Variants in NTRK2 observed in about 807,000 individuals in gnomAD.
NTRK2 encodes BDNF/NT-3 growth factors receptor.
In NTRK2, 13 loss-of-function variants were observed where a neutral mutation model predicts 94.5. The observed-to-expected ratio is 0.14, with a 90% CI of 0.09 to 0.22. The LOEUF (loss-of-function observed/expected upper bound fraction) is 0.22. NTRK2 is among the 10% of genes least tolerant of loss of function. The pLI is 1.00. For synonymous variants in NTRK2, 372 were observed against 407.4 expected (o/e 0.91, Z 1.05); for missense variants, 639 against 1,071.2 (o/e 0.60, Z 5.63).
intron 14 of NTRK2, among the ~76,000 whole-genome samples, chr9:84,901,516 G>A (rs1050271746): frequency 6.6e-6 from 1 of 152,074 alleles, no homozygotes; most frequent in Non-Finnish European, 1.5e-5. Flanking sequence ...ACAGGTGTTA[G>A]CCACCGCGCC....
chr9:85,025,659 C>T lies in NTRK2; in HGVS notation c.*4222C>T, dbSNP rs1047265808. The T allele has an allele frequency of 1.2e-4, 29 of 233,178 alleles. No homozygotes were observed. Among genetic ancestry groups the T allele is most frequent in the Admixed American group, 1.1e-3 (20 of 17,804 alleles). 14.4% of individuals were successfully genotyped at this position (233,178 alleles called of 1,614,324 possible). ...ATAAATGACTGCATATACACACATA[C>T]CCTCAATTCTCTTGCTTCCCCATTT... On this transcript the variant is annotated 3_prime_UTR_variant, in exon 19 of 19. Transcript: ENST00000277120.
At chr9:84,941,464 CAG>C (rs2078406644) in intron 15 of NTRK2, among the ~76,000 whole-genome samples, 1 of 152,220 alleles carries the variant, frequency 6.6e-6, no homozygotes, top group Non-Finnish European at 1.5e-5. Context: ...TAAAACAAAA[CAG>C]TGCATTTCAC....
chr9:84,983,922 G>A (rs998915816), intron 17 of NTRK2, among the ~76,000 whole-genome samples: 2 of 152,196 alleles, frequency 1.3e-5, no homozygotes, highest in African/African-American at 4.8e-5. Context: ...AGTGGGTCTT[G>A]GAGCTGGGGC....
intron 14 of NTRK2, among the ~76,000 whole-genome samples, chr9:84,881,701 C>G (rs1251319962): frequency 3.3e-5 from 5 of 152,182 alleles, no homozygotes; most frequent in African/African-American, 1.2e-4. Context: ...CTGGTAGGAG[C>G]AAAAGGTTGG....
At chr9:84,908,968 A>C (rs2077157784) in intron 14 of NTRK2, among the ~76,000 whole-genome samples, 2 of 152,156 alleles carry the variant, frequency 1.3e-5, no homozygotes, top group Non-Finnish European at 2.9e-5. Flanking sequence ...ACACCTTGTA[A>C]AACTATAGTA....
intron 17 of NTRK2, among the ~76,000 whole-genome samples, chr9:84,985,225 A>T (rs1429672118): frequency 6.6e-6 from 1 of 152,234 alleles, no homozygotes; most frequent in Non-Finnish European, 1.5e-5. Flanking sequence ...TCTATGAGTG[A>T]TTCAAAATGA....
chr9:84,909,812 A>T (rs761241023), intron 14 of NTRK2, among the ~76,000 whole-genome samples: 1 of 151,920 alleles, frequency 6.6e-6, no homozygotes, highest in African/African-American at 2.4e-5. Context: ...AGAGTTCTTT[A>T]TGTATTCTAG....
chr9:84,952,712 CA>C (rs1823635280), intron 16 of NTRK2, among the ~76,000 whole-genome samples: 1 of 152,126 alleles, frequency 6.6e-6, no homozygotes, highest in Non-Finnish European at 1.5e-5. Context: ...CAGATATAAA[CA>C]GGGGAAATTA....
intron 15 of NTRK2, among the ~76,000 whole-genome samples, chr9:84,948,133 G>A (rs2078662084): frequency 6.6e-6 from 1 of 152,178 alleles, no homozygotes; most frequent in South Asian, 2.1e-4. Context: ...GCTGCACATA[G>A]CATCACAGAA....
At chr9:84,682,694 G>A (rs750182589) in intron 2 of NTRK2, among the ~76,000 whole-genome samples, 1 of 151,804 alleles carries the variant, frequency 6.6e-6, no homozygotes, top group Non-Finnish European at 1.5e-5. Flanking sequence ...ATTTTGTGTC[G>A]GTCCCCTTTC....
intron 17 of NTRK2, among the ~76,000 whole-genome samples, chr9:85,017,874 C>T (rs1832399992): frequency 6.6e-6 from 1 of 152,192 alleles, no homozygotes; most frequent in Admixed American, 6.5e-5. Flanking sequence ...GAGCTGGTTG[C>T]ACCATAGCAC....
chr9:84,768,945 G>C (rs2066280263), intron 12 of NTRK2, among the ~76,000 whole-genome samples: 2 of 152,282 alleles, frequency 1.3e-5, no homozygotes, highest in South Asian at 4.1e-4. Flanking sequence ...TGAGGAACCT[G>C]ATTAGATGTG....
intron 17 of NTRK2, among the ~76,000 whole-genome samples, chr9:84,978,687 A>C (rs10116596): frequency 0.72 from 108,849 of 151,580 alleles, 39,570 homozygotes; most frequent in African/African-American, 0.79. Flanking sequence ...CTATTGAAAG[A>C]GGATGCCATC....
At chr9:84,776,424 G>A (rs1160519925) in intron 12 of NTRK2, among the ~76,000 whole-genome samples, 1 of 152,160 alleles carries the variant, frequency 6.6e-6, no homozygotes, top group Non-Finnish European at 1.5e-5. Flanking sequence ...GTTTCACCAT[G>A]TTGGCCAGGC....
At chr9:84,669,387 C>G (rs200493590), upstream of NTRK2, 2 of 152,708 alleles carry the variant, frequency 1.3e-5, no homozygotes, top group East Asian at 1.9e-4. This position sits in a 1 kb window ranked among gnomAD's most constrained non-coding sequence, Gnocchi z 4.1. Context: ...AATTAGGGAC[C>G]GGGAGGCGTC....
chr9:84,884,776 G>A (rs977790808), intron 14 of NTRK2, among the ~76,000 whole-genome samples: 3 of 152,168 alleles, frequency 2.0e-5, no homozygotes, highest in Non-Finnish European at 4.4e-5. Context: ...TGAACAATTT[G>A]TCAGGCACTA....
chr9:84,702,115 C>T (rs1216084954), intron 2 of NTRK2, 44 bp from the exon 3 acceptor site: 3 of 1,567,376 alleles, frequency 1.9e-6, no homozygotes, highest in Non-Finnish European at 2.6e-6. Flanking sequence ...GGTGCTGCTG[C>T]CTACATTCTG....
intron 6 of NTRK2, among the ~76,000 whole-genome samples, chr9:84,714,859 G>A (rs1255864359): frequency 6.6e-6 from 1 of 152,132 alleles, no homozygotes; most frequent in Non-Finnish European, 1.5e-5. Context: ...CTCTGAATCA[G>A]TGAAGACCAT....
intron 6 of NTRK2, among the ~76,000 whole-genome samples, chr9:84,715,952 T>G (rs2131899474): frequency 6.6e-6 from 1 of 152,300 alleles, no homozygotes; most frequent in East Asian, 1.9e-4. Flanking sequence ...ATCTGAGAGC[T>G]TCTTCAGCAA....
Sources: gnomAD v4.1 joint callset for allele counts (sites outside exome capture counted in the v4.1 genomes callset) on GRCh38, gnomAD v4.1.1 for gene constraint, Gnocchi (gnomAD v3.1) non-coding constraint, MANE v1.5 for transcripts, NCBI Gene and HGNC (gene_info 2026-07-23, HGNC 2026-07-21) for gene names.